SOX7: variants seen among roughly 807,000 people sequenced by gnomAD.
SOX7 encodes transcription factor SOX-7.
In SOX7, 19 loss-of-function variants were observed where a neutral mutation model predicts 24.9. The ratio of observed to expected loss-of-function variants is 0.76; its 90% CI spans 0.53 to 1.12. The LOEUF is 1.12. Among genes scored for constraint, SOX7 ranks in the 50% most tolerant of loss-of-function variants. SOX7 has a pLI of 0.00. For synonymous variants in SOX7, 327 were observed against 244.5 expected, an observed-to-expected ratio of 1.34 and a Z score of -3.15; for missense variants, 702 against 535.0, an observed-to-expected ratio of 1.31 and a Z score of -3.08.
chr8:10,730,459 G>C lies in SOX7; in HGVS notation c.-26C>G. 2.8e-6 allele frequency: 4 copies of C among 1,418,334 alleles called. No individual in the cohort carries two copies. The highest frequency in any genetic ancestry group is 2.8e-6 in the Non-Finnish European group (3 of 1,088,972). 87.9% of individuals were successfully genotyped at this position (1,418,334 alleles called of 1,614,324 possible). A position where few individuals can be genotyped will look rare whatever the true frequency, so the allele number is the denominator to read the frequency against. ...GGCCGCACGCGGGTCGCCTCGCTTC[G>C]CCTGGCGGGGCAGGCGCGGACCTGG... On this transcript the variant is annotated 5_prime_UTR_variant, in exon 1 of 2. Transcript: ENST00000304501. The surrounding 1 kb of genome is among the most constrained non-coding windows in gnomAD (Gnocchi z 4.8).
intron 1 of SOX7, among the ~76,000 whole-genome samples, chr8:10,727,246 C>A (rs1226958667): frequency 6.6e-6 from 1 of 152,190 alleles, no homozygotes; most frequent in Non-Finnish European, 1.5e-5. Context: ...AATACCTATT[C>A]CTTACCTCTG....
rs372656377 is a variant in SOX7, at chr8:10,725,705, C to T, written c.*33G>A. On this transcript the variant is annotated 3_prime_UTR_variant, in exon 2 of 2. Coordinates refer to ENST00000304501, the MANE Select transcript of SOX7 (RefSeq NM_031439.4). ...CACTCAAGGCACAAGAAGGAGAGGG[C>T]GCGAGGGCTGACCGGACGGGGCGCC... The T allele has an allele frequency of 1.2e-6, 2 of 1,610,992 alleles. No homozygotes were observed. The highest frequency in any genetic ancestry group is 1.7e-6 in the Non-Finnish European group (2 of 1,178,026).
chr8:10,725,278 C>A lies in SOX7; in HGVS notation c.*460G>T. ...AAAGCCTCGTGGTCCTTGGGCTGTG[C>A]ACACAAAATTATCACCAGATCGTAG... On this transcript the variant is annotated 3_prime_UTR_variant, in exon 2 of 2. Coordinates refer to ENST00000304501, the MANE Select transcript of SOX7 (RefSeq NM_031439.4). 5.6e-6 allele frequency: 1 copy of A among 180,134 alleles called. No individual in the cohort carries two copies. Among genetic ancestry groups the A allele is most frequent in the South Asian group, 1.2e-4 (1 of 8,138 alleles). The allele number at this position is 180,134 out of a possible 1,614,324, so 11.2% of individuals were successfully genotyped here.
rs1231631901 is a variant in SOX7 at position 10,726,128 on chromosome 8, G to T, written c.777C>A (p.Ser259=). 1 of 1,580,240 alleles carries T rather than the reference G, an allele frequency of 6.3e-7. No homozygotes were observed. Among genetic ancestry groups the T allele is most frequent in the Non-Finnish European group, 8.6e-7 (1 of 1,164,142 alleles). Residue 259 remains serine (S), a synonymous_variant, in exon 2 of 2, where the codon TCC becomes TCA. Transcript: ENST00000304501. The part of the protein sequence containing the change: ...SPLHCSHPLG[S]LALGQSPGVS... ...CGCCGGGGGACTGGCCAAGGGCCAG[G>T]GAGCCCAGGGGGTGGCTACAGTGGA... is the stretch of plus-strand genomic sequence containing the variant.
Position 10,726,433 on chromosome 8 carries a change from C to T in SOX7, c.472G>A (p.Glu158Lys), listed in dbSNP as rs533546124. 3.7e-6 allele frequency: 6 copies of T among 1,611,766 alleles called. No individual in the cohort carries two copies. The highest frequency in any genetic ancestry group is 5.1e-6 in the Non-Finnish European group (6 of 1,179,562). Residue 158 changes from glutamate (E) to lysine (K), a missense_variant, in exon 2 of 2, where the codon GAG becomes AAG. Coordinates refer to ENST00000304501, the MANE Select transcript of SOX7 (RefSeq NM_031439.4). ...KRSGSRGALG[E>K]KEDRGEYSPG... ...GAGTACTCACCCCTGTCCTCCTTCT[C>T]CCCCAGCGCCCCCCGGCTGCCGCTT...
rs4841433 is a variant in SOX7, at chr8:10,726,399, G to A, written c.506C>T (p.Thr169Ile). 1.6e-5 allele frequency: 25 copies of A among 1,612,142 alleles called. 1 individual carries two copies. In the Middle Eastern group the frequency reaches 2.8e-3, roughly 182 times the overall value. Reference protein sequence around the residue: ...KEDRGEYSPGTALPSLRGCYH... With the variant: ...KEDRGEYSPGIALPSLRGCYH... ...GCAGCCCCGGAGGCTGGGCAGGGCAGTGCCGGGGGAGTACTCACCCCTGTC... is the reference window on the plus strand; with the variant it reads ...GCAGCCCCGGAGGCTGGGCAGGGCAATGCCGGGGGAGTACTCACCCCTGTC... The change falls in exon 2 of 2, where the codon ACT (threonine) becomes ATT (isoleucine). Residue 169 changes from threonine (T) to isoleucine (I), a missense_variant. Transcript: ENST00000304501.
chr8:10,729,782 T>G (rs1800224444), intron 1 of SOX7, among the ~76,000 whole-genome samples: 1 of 152,204 alleles, frequency 6.6e-6, no homozygotes, highest in Non-Finnish European at 1.5e-5. Flanking sequence ...GTCCAGGGAA[T>G]GCTGGCTTTT....
chr8:10,726,431 C>G lies in SOX7; in HGVS notation c.474G>C (p.Glu158Asp), dbSNP rs375933943. ...KRSGSRGALG[E>D]KEDRGEYSPG... Reference sequence around the variant, plus strand: ...GGGAGTACTCACCCCTGTCCTCCTTCTCCCCCAGCGCCCCCCGGCTGCCGC... The same window carrying G: ...GGGAGTACTCACCCCTGTCCTCCTTGTCCCCCAGCGCCCCCCGGCTGCCGC... The change falls in exon 2 of 2, where the codon GAG becomes GAC. Residue 158 changes from glutamate (E) to aspartate (D), a missense_variant. By Grantham distance (45) the Glu-to-Asp change is conservative (BLOSUM62 2). Transcript: ENST00000304501. The G allele has an allele frequency of 6.2e-6, 10 of 1,612,064 alleles. No homozygotes were observed. The highest frequency in any genetic ancestry group is 2.2e-5 in the South Asian group (2 of 90,984).
At position 10,730,339 on chromosome 8, in the gene SOX7, A is replaced by ACGGCCGG; in HGVS notation, c.88_94dup (p.Val32AlafsTer135). ...GCCCTTGTCCCCCGGGGGCCGGGGG[A>ACGGCCGG]CGGCCGGCGGCGATTGTCCATCCGA... On this transcript the variant is annotated frameshift_variant, in exon 1 of 2. Transcript: ENST00000304501. LOFTEE classifies it high-confidence loss of function. The surrounding 1 kb of genome is among the most constrained non-coding windows in gnomAD (Gnocchi z 4.8). 1 of 1,563,490 alleles carries ACGGCCGG rather than the reference A, an allele frequency of 6.4e-7. No individual in the cohort carries two copies. The highest frequency in any genetic ancestry group is 8.6e-7 in the Non-Finnish European group (1 of 1,159,100).
At position 10,725,412 on chromosome 8, in the gene SOX7, C is replaced by T. The variant is rs903264710; in HGVS notation, c.*326G>A. 2.8e-6 allele frequency: 1 copy of T among 355,542 alleles called. No individual in the cohort carries two copies. The highest frequency in any genetic ancestry group is 2.1e-5 in the African/African-American group (1 of 47,734). 22.0% of individuals were successfully genotyped at this position (355,542 alleles called of 1,614,324 possible). A position where few individuals can be genotyped will look rare whatever the true frequency, so the allele number is the denominator to read the frequency against. On this transcript the variant is annotated 3_prime_UTR_variant, in exon 2 of 2. Transcript: ENST00000304501. ...AAGGGACCTTGGCTATCAAGTCTGT[C>T]CCCCCATTAGTTTCGATGATGGCTA... is the stretch of plus-strand genomic sequence containing the variant.
At chr8:10,728,434 G>C (rs1800196874) in intron 1 of SOX7, among the ~76,000 whole-genome samples, 1 of 152,222 alleles carries the variant, frequency 6.6e-6, no homozygotes, top group African/African-American at 2.4e-5. Context: ...ATGTCACACA[G>C]GTGGAGGGGA....
chr8:10,730,358 C>T lies in SOX7; in HGVS notation c.76G>A (p.Gly26Arg). The change falls in exon 1 of 2, where the codon GGA (glycine) becomes AGA (arginine). Residue 26 changes from glycine to arginine, a missense_variant. Transcript: ENST00000304501. The surrounding 1 kb of genome is among the most constrained non-coding windows in gnomAD (Gnocchi z 4.8). ...CGGGGGACGGCCGGCGGCGATTGTCCATCCGACAGCTCGGCGTCCAGGGCC... is the reference window on the plus strand; with the variant it reads ...CGGGGGACGGCCGGCGGCGATTGTCTATCCGACAGCTCGGCGTCCAGGGCC... The part of the protein sequence containing the change: ...CPALDAELSD[G>R]QSPPAVPRPP... 6.4e-7 allele frequency: 1 copy of T among 1,564,538 alleles called. No homozygotes were observed. Among genetic ancestry groups the T allele is most frequent in the Non-Finnish European group, 8.6e-7 (1 of 1,159,510 alleles).
intron 1 of SOX7, among the ~76,000 whole-genome samples, chr8:10,728,761 G>C (rs1563180192): frequency 6.6e-6 from 1 of 152,134 alleles, no homozygotes; most frequent in Non-Finnish European, 1.5e-5. Context: ...CCTCTGTCAC[G>C]GTCACAGCAG....
Position 10,725,630 on chromosome 8 carries a change from C to T in SOX7, c.*108G>A, listed in dbSNP as rs1487915716. 17 of 1,241,608 alleles carry T rather than the reference C, an allele frequency of 1.4e-5. No individual in the cohort carries two copies. In the East Asian group the frequency reaches 3.9e-4, roughly 28 times the overall value. 76.9% of individuals were successfully genotyped at this position (1,241,608 alleles called of 1,614,324 possible). On this transcript the variant is annotated 3_prime_UTR_variant, in exon 2 of 2. Coordinates refer to ENST00000304501, the MANE Select transcript of SOX7 (RefSeq NM_031439.4). Reference sequence around the variant, plus strand: ...CTCTGGGGCCGCAGTTCAGACCTCCCTGCCCTGAGCGGTGGGAGGAAAGCT... The same window carrying T: ...CTCTGGGGCCGCAGTTCAGACCTCCTTGCCCTGAGCGGTGGGAGGAAAGCT...
intron 1 of SOX7, chr8:10,729,633 A>G (rs1236013179): frequency 1.3e-5 from 2 of 152,224 alleles, no homozygotes; most frequent in Non-Finnish European, 2.9e-5. Flanking sequence ...CTATTTGGGT[A>G]AGCTTTTTCT....
intron 1 of SOX7, among the ~76,000 whole-genome samples, chr8:10,728,926 T>C (rs1201554906): frequency 1.3e-5 from 2 of 152,258 alleles, no homozygotes; most frequent in Admixed American, 6.5e-5. Flanking sequence ...TTTATTATTG[T>C]ACATATTAAC....
At chr8:10,729,246 T>C (rs1287678972) in intron 1 of SOX7, 5 of 152,230 alleles carry the variant, frequency 3.3e-5, no homozygotes, top group African/African-American at 1.2e-4. Flanking sequence ...AAGGGCTCTG[T>C]TCCGGACCGG....
rs1013561811 is a variant in SOX7, at chr8:10,730,466, G to A, written c.-33C>T. The stretch of plus-strand genomic sequence containing the variant: ...CGCGGGTCGCCTCGCTTCGCCTGGC[G>A]GGGCAGGCGCGGACCTGGCCCTCGC... On this transcript the variant is annotated 5_prime_UTR_variant, in exon 1 of 2. Coordinates refer to ENST00000304501, the MANE Select transcript of SOX7 (RefSeq NM_031439.4). This position sits in a 1 kb window ranked among gnomAD's most constrained non-coding sequence, Gnocchi z 4.8. 2 of 1,398,400 alleles carry A rather than the reference G, an allele frequency of 1.4e-6. No homozygotes were observed. The highest frequency in any genetic ancestry group is 1.9e-6 in the Non-Finnish European group (2 of 1,074,880). The allele number at this position is 1,398,400 out of a possible 1,614,324, so 86.6% of individuals were successfully genotyped here.
chr8:10,726,312 G>C lies in SOX7; in HGVS notation c.593C>G (p.Pro198Arg). The C allele has an allele frequency of 6.2e-7, 1 of 1,613,650 alleles. No homozygotes were observed. Among genetic ancestry groups the C allele is most frequent in the East Asian group, 2.2e-5 (1 of 44,860 alleles). Residue 198 changes from proline (P) to arginine (R), a missense_variant, in exon 2 of 2, where the codon CCG becomes CGG. Transcript: ENST00000304501. ...TTCAGGAGGTGTGGGCAGCCCGTAC[G>C]GGTACGTGTCCACACTGCTCGGGGT... ...GGTPSSVDTY[P>R]YGLPTPPEMS...
Sources: gnomAD v4.1 joint callset for allele counts (sites outside exome capture counted in the v4.1 genomes callset) on GRCh38, gnomAD v4.1.1 for gene constraint, Gnocchi (gnomAD v3.1) non-coding constraint, MANE v1.5 for transcripts, NCBI Gene and HGNC (gene_info 2026-07-23, HGNC 2026-07-21) for gene names.